The following NEK7 variants were observed in gnomAD, a reference collection of about 807,000 sequenced individuals.
The protein encoded by NEK7 is serine/threonine-protein kinase Nek7.
In NEK7, 18 loss-of-function variants were observed where a neutral mutation model predicts 44.6. The ratio of observed to expected loss-of-function variants is 0.40; its 90% confidence interval spans 0.28 to 0.60. The LOEUF is 0.60. NEK7 is among the 20% of genes least tolerant of loss of function. The pLI is 0.38. For synonymous variants in NEK7, 130 were observed against 121.1 expected (o/e 1.07, Z -0.48); for missense variants, 256 against 366.5 (o/e 0.70, Z 2.46).
chr1:198,219,312 A>T (rs1252692563), intron 1 of NEK7, among the ~76,000 whole-genome samples: 1 of 150,228 alleles, frequency 6.7e-6, no homozygotes, highest in Non-Finnish European at 1.5e-5. Flanking sequence ...ATATGTGTAT[A>T]TATATGTGTG....
chr1:198,285,404 C>T (rs1273985871), intron 7 of NEK7, among the ~76,000 whole-genome samples: 1 of 152,176 alleles, frequency 6.6e-6, no homozygotes, highest in South Asian at 2.1e-4. Flanking sequence ...GCCTCAATTG[C>T]TTAGCAATGA....
At chr1:198,259,951 C>G (rs975735182) in intron 3 of NEK7, among the ~76,000 whole-genome samples, 2 of 152,150 alleles carry the variant, frequency 1.3e-5, no homozygotes, top group East Asian at 1.9e-4. Flanking sequence ...GTAGCACTTA[C>G]AAGTTGCGTG....
intron 1 of NEK7, among the ~76,000 whole-genome samples, chr1:198,176,759 G>A (rs1300162153): frequency 6.6e-6 from 1 of 152,030 alleles, no homozygotes; most frequent in Admixed American, 6.6e-5. Context: ...GTAGAGGTAA[G>A]GGAGTAAAAG....
At chr1:198,292,190 T>A (rs1021831480) in intron 7 of NEK7, among the ~76,000 whole-genome samples, 2 of 152,080 alleles carry the variant, frequency 1.3e-5, no homozygotes, top group Non-Finnish European at 2.9e-5. Flanking sequence ...GTGTAACATA[T>A]ATGCTTTTGT....
intron 1 of NEK7, 75 bp from the exon 2 acceptor site, chr1:198,232,478 A>G (rs527999603): frequency 2.5e-4 from 170 of 687,892 alleles, no homozygotes; most frequent in Non-Finnish European, 4.3e-4. Flanking sequence ...ATTTGAATGC[A>G]TGTGTCGGTG....
At chr1:198,301,791 G>A (rs1443099664) in intron 9 of NEK7, among the ~76,000 whole-genome samples, 1 of 152,120 alleles carries the variant, frequency 6.6e-6, no homozygotes, top group Non-Finnish European at 1.5e-5. Flanking sequence ...TTGGAAAGAC[G>A]GTTAAAATGT....
chr1:198,179,989 G>A (rs1407819934), intron 1 of NEK7, among the ~76,000 whole-genome samples: 1 of 152,050 alleles, frequency 6.6e-6, no homozygotes, highest in Admixed American at 6.6e-5. Flanking sequence ...CTGTAATCTG[G>A]AAATTATTTC....
intron 1 of NEK7, among the ~76,000 whole-genome samples, chr1:198,183,058 C>T (rs1292255582): frequency 1.3e-5 from 2 of 152,014 alleles, no homozygotes; most frequent in Non-Finnish European, 2.9e-5. Flanking sequence ...TTCTGAAACT[C>T]AAAAATGGGC....
At chr1:198,235,429 G>A (rs1666521551) in intron 2 of NEK7, among the ~76,000 whole-genome samples, 1 of 151,828 alleles carries the variant, frequency 6.6e-6, no homozygotes, top group South Asian at 2.1e-4. Context: ...ACATCTAGAA[G>A]GTACTGAAAG....
chr1:198,211,877 A>G (rs1193050863), intron 1 of NEK7, among the ~76,000 whole-genome samples: 1 of 152,224 alleles, frequency 6.6e-6, no homozygotes, highest in African/African-American at 2.4e-5. Context: ...TGAAAGACGC[A>G]GTGGACAGTA....
chr1:198,198,076 G>T lies in NEK7; in HGVS notation c.-28-34477G>T, dbSNP rs145394183. The T allele has an allele frequency of 3.6e-5, 52 of 1,425,402 alleles. 1 individual carries two copies. In the East Asian group the frequency reaches 1.3e-3, roughly 35 times the overall value. The allele number at this position is 1,425,402 out of a possible 1,614,324, so 88.3% of individuals were successfully genotyped here. ...CTGGGAGAGGAAGAAAGGGGCCTTGGGGAAAGGGTGGATTGATAGGTGGTG... is the reference window on the plus strand; with the variant it reads ...CTGGGAGAGGAAGAAAGGGGCCTTGTGGAAAGGGTGGATTGATAGGTGGTG... On this transcript the variant is annotated intron_variant, in intron 1 of 9. Transcript: ENST00000367385.
At chr1:198,310,141 T>G (rs1372548342) in intron 9 of NEK7, among the ~76,000 whole-genome samples, 8 of 152,204 alleles carry the variant, frequency 5.3e-5, no homozygotes, top group Admixed American at 3.9e-4. Context: ...CCATTCTAAC[T>G]GGTGTGAATT....
intron 5 of NEK7, chr1:198,277,682 G>T (rs896017052): frequency 1.4e-5 from 3 of 209,830 alleles, no homozygotes; most frequent in African/African-American, 6.9e-5. Flanking sequence ...TTTAAGACAA[G>T]AAATTGTTTT....
At position 198,217,034 on chromosome 1, in the gene NEK7, A is replaced by C. The variant is rs1289593411; in HGVS notation, c.-28-15519A>C. On this transcript the variant is annotated intron_variant, in intron 1 of 9. Transcript: ENST00000367385. ...AAATTCTACCAGACATTCAAGGAAG[A>C]ATTAGTACAAGTGTACTGAAACTAT... 2.0e-5 allele frequency among the ~76,000 whole-genome samples: 3 copies of C among 152,122 alleles called. No homozygotes were observed. The East Asian group carries it at 5.8e-4, about 29-fold the overall frequency.
intron 9 of NEK7, among the ~76,000 whole-genome samples, chr1:198,303,004 A>C (rs1007119456): frequency 3.3e-5 from 5 of 151,898 alleles, no homozygotes; most frequent in African/African-American, 1.2e-4. Flanking sequence ...TAACCCTTTC[A>C]CTCACCATCT....
intron 1 of NEK7, among the ~76,000 whole-genome samples, chr1:198,230,771 C>T (rs1259040958): frequency 6.6e-6 from 1 of 151,800 alleles, no homozygotes; most frequent in African/African-American, 2.4e-5. Flanking sequence ...CGTTTTATTC[C>T]TATATACTAA....
chr1:198,285,563 A>G (rs1416100389), intron 7 of NEK7, among the ~76,000 whole-genome samples: 1 of 151,984 alleles, frequency 6.6e-6, no homozygotes, highest in African/African-American at 2.4e-5. Flanking sequence ...TTGTGATCCC[A>G]TGAGGGGAAG....
chr1:198,204,717 C>CAAAAA (rs58273857), intron 1 of NEK7, among the ~76,000 whole-genome samples: 6 of 87,830 alleles, frequency 6.8e-5, no homozygotes, highest in Admixed American at 1.1e-4. Context: ...GACTCCGTCT[C>CAAAAA]AAAAAAAAAA....
At chr1:198,201,492 C>T (rs1369654353) in intron 1 of NEK7, among the ~76,000 whole-genome samples, 1 of 152,122 alleles carries the variant, frequency 6.6e-6, no homozygotes, top group Admixed American at 6.5e-5. Flanking sequence ...ACAGTTGGAA[C>T]AGAGAGCATT....
Sources: allele counts gnomAD v4.1 joint callset (sites outside exome capture counted in the v4.1 genomes callset), GRCh38; gene constraint gnomAD v4.1.1; transcripts MANE v1.5; gene names NCBI Gene and HGNC (gene_info 2026-07-23, HGNC 2026-07-21).